DACH1: variants seen among roughly 807,000 people sequenced by gnomAD.
DACH1 encodes dachshund family transcription factor 1.
In DACH1, 12 loss-of-function variants were observed where a neutral mutation model predicts 54.2. The ratio of observed to expected loss-of-function variants is 0.22; its 90% CI spans 0.14 to 0.36. The LOEUF is 0.36. DACH1 is among the 10% of genes least tolerant of loss of function. The probability of loss-of-function intolerance (pLI) is 1.00; values close to 1 mark genes in which losing one functional copy is unlikely to be tolerated. For missense variants in DACH1, 805 were observed against 929.8 expected, an observed-to-expected ratio of 0.87 and a Z score of 1.75; for synonymous variants, 386 against 366.2, an observed-to-expected ratio of 1.05 and a Z score of -0.62.
At chr13:71,549,482 T>C (rs984933344) in intron 6 of DACH1, among the ~76,000 whole-genome samples, 59 of 152,146 alleles carry the variant, frequency 3.9e-4, no homozygotes, top group African/African-American at 1.4e-3. Flanking sequence ...ATAGCATTTA[T>C]AAGACTGCTC....
At chr13:71,661,285 T>A (rs1879466787) in intron 2 of DACH1, among the ~76,000 whole-genome samples, 1 of 151,546 alleles carries the variant, frequency 6.6e-6, no homozygotes, top group East Asian at 2.0e-4. Context: ...TTTCCTGAGA[T>A]ATTTTCAATT....
chr13:71,517,637 A>G (rs1001107825), intron 6 of DACH1, among the ~76,000 whole-genome samples: 3 of 151,950 alleles, frequency 2.0e-5, no homozygotes, highest in African/African-American at 2.4e-5. Context: ...AAGTAGTCCA[A>G]TGTTCACTGG....
intron 1 of DACH1, among the ~76,000 whole-genome samples, chr13:71,749,797 T>C (rs1884841167): frequency 6.6e-6 from 1 of 152,170 alleles, no homozygotes; most frequent in African/African-American, 2.4e-5. Context: ...ATCTCCAAGC[T>C]TCACAACAAC....
chr13:71,479,111 T>C (rs1877817196), intron 8 of DACH1, 58 bp downstream of exon 8: 1 of 1,445,052 alleles, frequency 6.9e-7, no homozygotes, highest in Non-Finnish European at 9.4e-7. Context: ...ACCATCATAG[T>C]ATTAATATGT....
At chr13:71,706,024 A>G (rs1156284647) in intron 1 of DACH1, among the ~76,000 whole-genome samples, 2 of 152,014 alleles carry the variant, frequency 1.3e-5, no homozygotes, top group Non-Finnish European at 2.9e-5. Flanking sequence ...ATCAATCAAG[A>G]AATCTAGTGA....
chr13:71,767,595 C>T (rs9572784), intron 1 of DACH1, among the ~76,000 whole-genome samples: 65,013 of 151,734 alleles, frequency 0.43, 14,738 homozygotes, highest in East Asian at 0.86. Flanking sequence ...CCCCAAGACT[C>T]CAAATTTATT....
At chr13:71,836,069 A>G (rs1010721910) in intron 1 of DACH1, among the ~76,000 whole-genome samples, 5 of 152,040 alleles carry the variant, frequency 3.3e-5, no homozygotes, top group African/African-American at 4.8e-5. Context: ...ACTCAGATTC[A>G]GGAACTGGTA....
chr13:71,554,083 G>A (rs993969436), intron 6 of DACH1, among the ~76,000 whole-genome samples: 1 of 151,942 alleles, frequency 6.6e-6, no homozygotes, highest in African/African-American at 2.4e-5. Context: ...GTTTGATAGA[G>A]ATATGAGTTG....
intron 6 of DACH1, among the ~76,000 whole-genome samples, chr13:71,523,002 G>C (rs931273254): frequency 1.3e-5 from 2 of 152,086 alleles, no homozygotes; most frequent in African/African-American, 2.4e-5. Flanking sequence ...TTTCACCATT[G>C]CTCTGCAATT....
At chr13:71,714,329 T>TAAACAAAACA (rs200269145) in intron 1 of DACH1, among the ~76,000 whole-genome samples, 10 of 151,724 alleles carry the variant, frequency 6.6e-5, no homozygotes, top group African/African-American at 2.4e-4. Flanking sequence ...CGGGGACAAT[T>TAAACAAAACA]AAACAAAACA....
At chr13:71,681,751 G>C in intron 2 of DACH1, 44 bp downstream of exon 2, 1 of 1,414,590 alleles carries the variant, frequency 7.1e-7, no homozygotes, top group Non-Finnish European at 1.0e-6. Flanking sequence ...TACGACATTG[G>C]CTGATTTTTA....
chr13:71,582,704 A>G (rs1057334608), intron 3 of DACH1, among the ~76,000 whole-genome samples: 4 of 152,150 alleles, frequency 2.6e-5, no homozygotes, highest in African/African-American at 9.6e-5. Context: ...ACTTGTTGAA[A>G]GCTACTGTTT....
At chr13:71,711,085 A>C (rs945962706) in intron 1 of DACH1, among the ~76,000 whole-genome samples, 3 of 152,186 alleles carry the variant, frequency 2.0e-5, no homozygotes, top group African/African-American at 7.2e-5. Flanking sequence ...CATTGAAGTT[A>C]AGCAATACAC....
At chr13:71,499,007 T>A (rs1303363675) in intron 6 of DACH1, among the ~76,000 whole-genome samples, 1 of 152,030 alleles carries the variant, frequency 6.6e-6, no homozygotes, top group East Asian at 1.9e-4. Context: ...ACTTGAGAAC[T>A]CGGGTATCTG....
At chr13:71,693,768 G>A (rs1881660819) in intron 1 of DACH1, among the ~76,000 whole-genome samples, 1 of 151,962 alleles carries the variant, frequency 6.6e-6, no homozygotes, top group Non-Finnish European at 1.5e-5. Flanking sequence ...TTTTATTCTT[G>A]TTGTTCATCT....
At chr13:71,618,547 A>T (rs1395912752) in intron 3 of DACH1, among the ~76,000 whole-genome samples, 1 of 152,020 alleles carries the variant, frequency 6.6e-6, no homozygotes, top group Admixed American at 6.6e-5. Flanking sequence ...TGCATATTAA[A>T]TTGATTATAT....
chr13:71,748,904 CTTTCTTTCTTTCTT>C (rs1566476936), intron 1 of DACH1, among the ~76,000 whole-genome samples: 32 of 27,160 alleles, frequency 1.2e-3, no homozygotes, highest in African/African-American at 2.3e-3. Context: ...CTTTCTCTTT[CTTTCTTTCTTTCTT>C]TCTTTCTTTC....
rs550445469 is a variant in DACH1, at chr13:71,835,117, G to T, written c.848+30805C>A. Among the ~76,000 whole-genome samples, 3 of 152,092 alleles carry T rather than the reference G, an allele frequency of 2.0e-5. No homozygotes were observed. The South Asian group carries it at 6.2e-4, about 31-fold the overall frequency. ...TACATATTTGCTGGTGAAAACTTTG[G>T]AAATGTTGGCTCAGAGAGTCACAAT... On this transcript the variant is annotated intron_variant, in intron 1 of 10. Coordinates refer to ENST00000613252, the MANE Select transcript of DACH1 (RefSeq NM_080759.6).
chr13:71,770,767 A>G (rs1210561981), intron 1 of DACH1, among the ~76,000 whole-genome samples: 2 of 151,612 alleles, frequency 1.3e-5, no homozygotes, highest in Admixed American at 6.6e-5. Context: ...AGTAAATTCC[A>G]TGTAAGCATT....
Sources: allele counts gnomAD v4.1 joint callset (sites outside exome capture counted in the v4.1 genomes callset), GRCh38; gene constraint gnomAD v4.1.1; transcripts MANE v1.5; gene names NCBI Gene and HGNC (gene_info 2026-07-23, HGNC 2026-07-21).